The following HS3ST4 variants were observed in gnomAD, a reference collection of about 807,000 sequenced individuals.
HS3ST4 encodes the protein heparan sulfate-glucosamine 3-sulfotransferase 4, also known as heparan sulfate glucosamine 3-O-sulfotransferase 4.
HS3ST4 carries 17 observed loss-of-function variants against 29.2 expected under a neutral mutation model. The ratio of observed to expected loss-of-function variants is 0.58; its 90% CI spans 0.40 to 0.87. The LOEUF is 0.87. Ranked by LOEUF, HS3ST4 falls within the 40% of genes least tolerant of loss-of-function variation. HS3ST4 has a pLI of 0.00. For missense variants in HS3ST4, 627 were observed against 634.5 expected (o/e 0.99, Z 0.13); for synonymous variants, 314 against 285.7 (o/e 1.10, Z -1.00).
intron 1 of HS3ST4, among the ~76,000 whole-genome samples, chr16:25,855,877 T>A (rs958087813): frequency 1.3e-5 from 2 of 152,120 alleles, no homozygotes; most frequent in Admixed American, 6.6e-5. Flanking sequence ...AGTGTTTTTT[T>A]AAACTTTCTT....
chr16:25,898,119 A>C (rs1257450977), intron 1 of HS3ST4, among the ~76,000 whole-genome samples: 2 of 152,184 alleles, frequency 1.3e-5, no homozygotes, highest in Non-Finnish European at 2.9e-5. Context: ...AGAGCTGCAG[A>C]ATCTTTCTTG....
intron 1 of HS3ST4, among the ~76,000 whole-genome samples, chr16:25,992,924 G>T (rs1385540579): frequency 6.6e-6 from 1 of 152,220 alleles, no homozygotes; most frequent in Non-Finnish European, 1.5e-5. Flanking sequence ...ACCAGGACAT[G>T]ATTGTTCTTT....
chr16:25,759,810 C>G (rs1966778531), intron 1 of HS3ST4, among the ~76,000 whole-genome samples: 1 of 152,014 alleles, frequency 6.6e-6, no homozygotes, highest in African/African-American at 2.4e-5. Flanking sequence ...CTCCTGTAGT[C>G]CCAGCTACTC....
chr16:25,780,150 A>G (rs1966851349), intron 1 of HS3ST4, among the ~76,000 whole-genome samples: 2 of 152,126 alleles, frequency 1.3e-5, no homozygotes, highest in Admixed American at 6.5e-5. Flanking sequence ...CTGGGCTTGT[A>G]GCTTCTAGGA....
chr16:25,963,692 T>G (rs1459524280), intron 1 of HS3ST4, among the ~76,000 whole-genome samples: 1 of 152,270 alleles, frequency 6.6e-6, no homozygotes, highest in Non-Finnish European at 1.5e-5. Flanking sequence ...TTCTTCCTCT[T>G]AGCTCTACAT....
intron 1 of HS3ST4, among the ~76,000 whole-genome samples, chr16:25,988,760 A>G (rs57938527): frequency 0.024 from 3,661 of 152,098 alleles, 144 homozygotes; most frequent in African/African-American, 0.084. Context: ...ACAAATGGGT[A>G]CTAGGCTTAA....
intron 1 of HS3ST4, among the ~76,000 whole-genome samples, chr16:25,762,141 G>A (rs1447056445): frequency 4.6e-5 from 7 of 152,122 alleles, no homozygotes; most frequent in African/African-American, 1.7e-4. Context: ...GAGAAAGGGG[G>A]CCCTCATTGA....
rs778848296 is a variant in HS3ST4, at chr16:26,136,010, A to G, written c.1133A>G (p.Lys378Arg). Residue 378 changes from lysine (K) to arginine (R), a missense_variant, in exon 2 of 2, where the codon AAA becomes AGA. Physicochemically the swap from Lys to Arg is conservative, Grantham distance 26. Around this residue, in one of 2 missense-constraint regions of HS3ST4, gnomAD observed 225 missense variants for 293.7 expected, o/e 0.77. Transcript: ENST00000331351. ...AAAGTACAGGATTTTCTAGGCCTCAAACGTGTTGTGACTGAGAAGCATTTC... is the reference window on the plus strand; with the variant it reads ...AAAGTACAGGATTTTCTAGGCCTCAGACGTGTTGTGACTGAGAAGCATTTC... ...MAKVQDFLGL[K>R]RVVTEKHFYF... is the part of the protein sequence containing the mutation. 2 of 1,613,992 alleles carry G rather than the reference A, an allele frequency of 1.2e-6. No individual in the cohort carries two copies. Among genetic ancestry groups the G allele is most frequent in the Non-Finnish European group, 1.7e-6 (2 of 1,179,866 alleles).
At chr16:25,849,429 T>C (rs564272308) in intron 1 of HS3ST4, among the ~76,000 whole-genome samples, 1 of 152,314 alleles carries the variant, frequency 6.6e-6, no homozygotes, top group South Asian at 2.1e-4. Context: ...TGAATCGTTT[T>C]GGTATATTTA....
At position 26,049,081 on chromosome 16, in the gene HS3ST4, T is replaced by C. The variant is rs568576843; in HGVS notation, c.735-86531T>C. ...AATTTTTATGATTGCCTTTTATTTGTGGCAAATGATTCTGGGCTTCTGCTT... is the reference window on the plus strand; with the variant it reads ...AATTTTTATGATTGCCTTTTATTTGCGGCAAATGATTCTGGGCTTCTGCTT... On this transcript the variant is annotated intron_variant, in intron 1 of 1. Coordinates refer to ENST00000331351, the MANE Select transcript of HS3ST4 (RefSeq NM_006040.3). Among the ~76,000 whole-genome samples the C allele has an allele frequency of 2.0e-5, 3 of 152,252 alleles. No individual in the cohort carries two copies. The East Asian group carries it at 5.8e-4, about 29-fold the overall frequency.
chr16:25,886,112 A>C (rs185358607), intron 1 of HS3ST4, among the ~76,000 whole-genome samples: 2 of 135,996 alleles, frequency 1.5e-5, no homozygotes, highest in East Asian at 2.3e-4. Context: ...GGCACACTGC[A>C]GTGTCTGCCT....
chr16:25,988,884 CA>C lies in HS3ST4; in HGVS notation c.735-146719del, dbSNP rs950677143. Among the ~76,000 whole-genome samples the C allele has an allele frequency of 1.4e-3, 214 of 150,676 alleles. 1 individual carries two copies. The highest frequency in any genetic ancestry group is 5.0e-3 in the African/African-American group (204 of 41,066). On this transcript the variant is annotated intron_variant, in intron 1 of 1. Transcript: ENST00000331351. The stretch of plus-strand genomic sequence containing the variant: ...ATAAAAGTAAAAAAAAAACAAAACT[CA>C]AAAAAAAATTTAAAAATTAAAAGTT...
At chr16:25,862,600 T>G (rs139620304) in intron 1 of HS3ST4, among the ~76,000 whole-genome samples, 2 of 152,366 alleles carry the variant, frequency 1.3e-5, no homozygotes, top group East Asian at 3.8e-4. Flanking sequence ...CCTAACAGTC[T>G]GCAAACAGTT....
At chr16:25,939,845 G>A (rs942600720) in intron 1 of HS3ST4, among the ~76,000 whole-genome samples, 7 of 152,162 alleles carry the variant, frequency 4.6e-5, no homozygotes, top group African/African-American at 1.7e-4. Context: ...CATGAAGGGA[G>A]CTATGGCCCC....
intron 1 of HS3ST4, among the ~76,000 whole-genome samples, chr16:25,907,042 TAA>T (rs1968186391): frequency 6.6e-6 from 1 of 151,930 alleles, no homozygotes; most frequent in African/African-American, 2.4e-5. Flanking sequence ...AAAAATGTTT[TAA>T]AAATTAGACA....
chr16:25,973,331 G>A (rs1393646093), intron 1 of HS3ST4, among the ~76,000 whole-genome samples: 1 of 152,222 alleles, frequency 6.6e-6, no homozygotes. Flanking sequence ...AATGCCGTAG[G>A]CATAGATGTA....
chr16:26,088,622 A>G (rs1567309511), intron 1 of HS3ST4, among the ~76,000 whole-genome samples: 1 of 152,356 alleles, frequency 6.6e-6, no homozygotes, highest in East Asian at 1.9e-4. Context: ...CATTTCAGTT[A>G]TGCTCAATGA....
At chr16:26,069,050 C>G (rs1383700296) in intron 1 of HS3ST4, among the ~76,000 whole-genome samples, 1 of 152,198 alleles carries the variant, frequency 6.6e-6, no homozygotes, top group Non-Finnish European at 1.5e-5. Flanking sequence ...CTCCTGGGTT[C>G]AAGTGATCCT....
At chr16:25,764,919 C>T (rs988099082) in intron 1 of HS3ST4, among the ~76,000 whole-genome samples, 1 of 152,198 alleles carries the variant, frequency 6.6e-6, no homozygotes, top group African/African-American at 2.4e-5. Flanking sequence ...GAGTAACCGG[C>T]AAGAGGCTAC....
Sources: gnomAD v4.1 joint callset for allele counts (sites outside exome capture counted in the v4.1 genomes callset) on GRCh38, gnomAD v4.1.1 for gene constraint, gnomAD v4.1.1 regional missense constraint, MANE v1.5 for transcripts, NCBI Gene and HGNC (gene_info 2026-07-23, HGNC 2026-07-21) for gene names.